OGDH: variants seen among roughly 807,000 people sequenced by gnomAD.
OGDH encodes 2-oxoglutarate dehydrogenase complex component E1.
In OGDH, 38 loss-of-function variants were observed where a neutral mutation model predicts 116.6. The observed-to-expected ratio is 0.33, with a 90% CI of 0.25 to 0.43. The LOEUF is 0.43. OGDH is among the 20% of genes least tolerant of loss of function. The pLI is 1.00. For missense variants in OGDH, 825 were observed against 1,357.2 expected, an observed-to-expected ratio of 0.61 and a Z score of 6.16; for synonymous variants, 488 against 533.3, an observed-to-expected ratio of 0.92 and a Z score of 1.17.
At chr7:44,684,277 C>G (rs1035683331) in intron 10 of OGDH, among the ~76,000 whole-genome samples, 1 of 152,048 alleles carries the variant, frequency 6.6e-6, no homozygotes, top group African/African-American at 2.4e-5. Flanking sequence ...TGATGAGATA[C>G]TGGTTGGTTA....
At chr7:44,675,389 C>T in intron 8 of OGDH, 121 bp downstream of exon 8, 1 of 840,558 alleles carries the variant, frequency 1.2e-6, no homozygotes, top group Admixed American at 2.1e-5. Context: ...TGTGATTTGC[C>T]TTCCTTGTTG....
intron 10 of OGDH, among the ~76,000 whole-genome samples, chr7:44,685,747 T>C (rs1326525577): frequency 1.3e-5 from 2 of 151,860 alleles, no homozygotes; most frequent in Non-Finnish European, 1.5e-5. Context: ...GCTTCCAAAA[T>C]AGCTGGAATT....
chr7:44,669,509 C>T (rs913695223), intron 5 of OGDH, among the ~76,000 whole-genome samples: 1 of 151,602 alleles, frequency 6.6e-6, no homozygotes, highest in African/African-American at 2.4e-5. Context: ...GAGTCACTGT[C>T]TCCATAGCAC....
chr7:44,670,711 A>C (rs1787395086), intron 5 of OGDH, among the ~76,000 whole-genome samples: 1 of 152,170 alleles, frequency 6.6e-6, no homozygotes, highest in South Asian at 2.1e-4. Context: ...AGATGTGATT[A>C]GAAAATATGG....
rs1392014505 is a variant in OGDH at position 44,666,801 on chromosome 7, G to A, written c.583G>A (p.Gly195Arg). The change falls in exon 5 of 23, where the codon GGG (glycine) becomes AGG (arginine). Residue 195 changes from glycine to arginine, a missense_variant. By Grantham distance (125) the Gly-to-Arg change is moderately radical. Around this residue, in one of 7 missense-constraint regions of OGDH, gnomAD observed 171 missense variants for 276.8 expected, o/e 0.62. Transcript: ENST00000222673. ...CCACTTGCCCACCACCACTTTCATC[G>A]GGGGACAGGAATCAGCACTTCCTCT... Reference protein sequence around the residue: ...VFHLPTTTFIGGQESALPLRE... With the variant: ...VFHLPTTTFIRGQESALPLRE... The A allele has an allele frequency of 2.5e-6, 4 of 1,613,026 alleles. No individual in the cohort carries two copies. The highest frequency in any genetic ancestry group is 3.4e-6 in the Non-Finnish European group (4 of 1,179,478).
At chr7:44,630,250 C>T (rs1160496512) in intron 2 of OGDH, among the ~76,000 whole-genome samples, 1 of 152,244 alleles carries the variant, frequency 6.6e-6, no homozygotes, top group African/African-American at 2.4e-5. Flanking sequence ...CCTGGGGTTC[C>T]TCCCATGGCA....
At position 44,707,826 on chromosome 7, in the gene OGDH, C is replaced by T; in HGVS notation, c.2952-53C>T. On this transcript the variant is annotated intron_variant, in intron 22 of 22. Coordinates refer to ENST00000222673, the MANE Select transcript of OGDH (RefSeq NM_002541.4). The surrounding 1 kb of genome is among the most constrained non-coding windows in gnomAD (Gnocchi z 5.2). ...CAGGCACATGCAGCAGAGGGATGGG[C>T]TGGGCCAACTCAGTGTCCCCTGCCC... 2 of 1,608,216 alleles carry T rather than the reference C, an allele frequency of 1.2e-6. No homozygotes were observed. Among genetic ancestry groups the T allele is most frequent in the South Asian group, 1.1e-5 (1 of 90,350 alleles).
chr7:44,628,562 G>A (rs1785296919), intron 2 of OGDH, among the ~76,000 whole-genome samples: 1 of 151,208 alleles, frequency 6.6e-6, no homozygotes, highest in African/African-American at 2.4e-5. Context: ...GGACCAGCCT[G>A]GACAAGGCAA....
chr7:44,706,434 G>A (rs1282913645), intron 20 of OGDH, among the ~76,000 whole-genome samples: 33 of 150,250 alleles, frequency 2.2e-4, no homozygotes, highest in Non-Finnish European at 4.3e-4. Flanking sequence ...CAATTCTCCT[G>A]CCTCGGCCCC....
Position 44,697,644 on chromosome 7 carries a change from G to C in OGDH, c.2220G>C (p.Leu740=). Reference sequence around the variant, plus strand: ...TCGCCATGGCCAGTCCTAATGCCCTGGTCCTCTGGGAAGCCCAATTTGGTG... The same window carrying C: ...TCGCCATGGCCAGTCCTAATGCCCTCGTCCTCTGGGAAGCCCAATTTGGTG... ...LGFAMASPNA[L]VLWEAQFGDF... Residue 740 remains leucine (L), a synonymous_variant, in exon 17 of 23, where the codon CTG becomes CTC. Coordinates refer to ENST00000222673, the MANE Select transcript of OGDH (RefSeq NM_002541.4). This position sits in a 1 kb window ranked among gnomAD's most constrained non-coding sequence, Gnocchi z 6.0. 6.2e-7 allele frequency: 1 copy of C among 1,614,230 alleles called. No homozygotes were observed. The highest frequency in any genetic ancestry group is 2.2e-5 in the East Asian group (1 of 44,884).
At chr7:44,693,739 A>G in intron 10 of OGDH, 86 bp from the exon 11 acceptor site, 1 of 1,246,846 alleles carries the variant, frequency 8.0e-7, no homozygotes, top group Non-Finnish European at 1.1e-6. Context: ...TGGCAAGTGC[A>G]TGCCATGCCC....
chr7:44,640,262 A>G (rs1245095570), intron 2 of OGDH, among the ~76,000 whole-genome samples: 1 of 152,126 alleles, frequency 6.6e-6, no homozygotes, highest in African/African-American at 2.4e-5. Context: ...TCGCTCTGCT[A>G]TTACTCAGTT....
At chr7:44,666,969 T>C (rs1218178147) in intron 5 of OGDH, 118 bp downstream of exon 5, 2 of 638,940 alleles carry the variant, frequency 3.1e-6, no homozygotes, top group African/African-American at 3.8e-5. Context: ...ATTTTTTCTC[T>C]GAGACAGAGT....
At position 44,674,405 on chromosome 7, in the gene OGDH, G is replaced by A. The variant is rs1787601674; in HGVS notation, c.789-6G>A. The A allele has an allele frequency of 6.2e-7, 1 of 1,613,948 alleles. No individual in the cohort carries two copies. The highest frequency in any genetic ancestry group is 1.7e-5 in the Admixed American group (1 of 59,990). On this transcript the variant is annotated splice_polypyrimidine_tract_variant and splice_region_variant and intron_variant, in intron 6 of 22. Transcript: ENST00000222673. ...GCCCTTCAAGGTGGCTTGGTTCCCT[G>A]TCCAGGTTTGAGGAGTTCCTACAGC...
At chr7:44,629,922 C>T (rs1785364755) in intron 2 of OGDH, among the ~76,000 whole-genome samples, 2 of 152,262 alleles carry the variant, frequency 1.3e-5, no homozygotes, top group East Asian at 1.9e-4. Flanking sequence ...GCACTTTTCA[C>T]GTGTCAGCTC....
At chr7:44,699,823 G>C (rs1451630613) in intron 18 of OGDH, among the ~76,000 whole-genome samples, 1 of 152,198 alleles carries the variant, frequency 6.6e-6, no homozygotes, top group African/African-American at 2.4e-5. Context: ...TTACAATCAT[G>C]ACAGAAGATG....
intron 1 of OGDH, among the ~76,000 whole-genome samples, chr7:44,608,975 G>A (rs1249246517): frequency 6.6e-6 from 1 of 152,036 alleles, no homozygotes; most frequent in African/African-American, 2.4e-5. Flanking sequence ...TAAAATTCAA[G>A]ATACAGAATA....
In OGDH at chr7:44,694,944, G is replaced by A. The variant is rs949581596; in HGVS notation, c.1668+368G>A. Among the ~76,000 whole-genome samples, 1 of 152,156 alleles carries A rather than the reference G, an allele frequency of 6.6e-6. No individual in the cohort carries two copies. The highest frequency in any genetic ancestry group is 1.5e-5 in the Non-Finnish European group (1 of 68,032). ...TGGATAGTAAGTGCTGGTTGGTTGTGAGTGGGAAGGCCAAGCAGCTGCCCT... is the reference window on the plus strand; with the variant it reads ...TGGATAGTAAGTGCTGGTTGGTTGTAAGTGGGAAGGCCAAGCAGCTGCCCT... On this transcript the variant is annotated intron_variant, in intron 12 of 22. Coordinates refer to ENST00000222673, the MANE Select transcript of OGDH (RefSeq NM_002541.4). This position sits in a 1 kb window ranked among gnomAD's most constrained non-coding sequence, Gnocchi z 4.2.
At chr7:44,696,189 T>G in intron 13 of OGDH, 62 bp downstream of exon 13, 1 of 1,261,642 alleles carries the variant, frequency 7.9e-7, no homozygotes, top group South Asian at 1.2e-5. Context: ...CGAGGCATCC[T>G]CTTCCCAGAA....
Sources: allele counts gnomAD v4.1 joint callset (sites outside exome capture counted in the v4.1 genomes callset), GRCh38; gene constraint gnomAD v4.1.1; regional missense constraint gnomAD v4.1.1; non-coding constraint Gnocchi (gnomAD v3.1); transcripts MANE v1.5; gene names NCBI Gene and HGNC (gene_info 2026-07-23, HGNC 2026-07-21).